Variants in EYS observed in about 807,000 individuals in gnomAD.
EYS encodes the protein protein eyes shut homolog.
Under a neutral mutation model 282.1 loss-of-function variants are expected in EYS, and 250 were observed. That is an observed-to-expected ratio of 0.89 (90% confidence interval 0.80 to 0.98). The LOEUF (loss-of-function observed/expected upper bound fraction) is 0.98, where lower values mean the gene tolerates loss of function less well. Ranked by LOEUF, EYS falls within the 50% of genes least tolerant of loss-of-function variation. EYS has a pLI of 0.00. For missense variants in EYS, 4,016 were observed against 3,709.0 expected, an observed-to-expected ratio of 1.08 and a Z score of -2.15; for synonymous variants, 1,355 against 1,282.9, an observed-to-expected ratio of 1.06 and a Z score of -1.20.
chr6:64,346,611 G>T (rs1771408630), intron 29 of EYS, among the ~76,000 whole-genome samples: 1 of 151,736 alleles, frequency 6.6e-6, no homozygotes, highest in Non-Finnish European at 1.5e-5. Flanking sequence ...TAAATGACTA[G>T]TTAATGGGTG....
chr6:64,414,152 A>C (rs1773992531), intron 28 of EYS, among the ~76,000 whole-genome samples: 1 of 152,178 alleles, frequency 6.6e-6, no homozygotes, highest in Admixed American at 6.6e-5. Flanking sequence ...ACTTTGTGAA[A>C]TTTCAGGAGA....
At chr6:64,373,825 T>A (rs926947143) in intron 29 of EYS, among the ~76,000 whole-genome samples, 1 of 152,068 alleles carries the variant, frequency 6.6e-6, no homozygotes, top group Non-Finnish European at 1.5e-5. Context: ...CACCTGGCTA[T>A]CGGTGGAGGT....
chr6:63,937,204 C>G (rs1482746662), intron 35 of EYS, among the ~76,000 whole-genome samples: 1 of 152,036 alleles, frequency 6.6e-6, no homozygotes, highest in African/African-American at 2.4e-5. Flanking sequence ...GGAAAACAGA[C>G]ACATAAAATC....
chr6:64,937,279 C>T (rs1317853465), intron 15 of EYS, among the ~76,000 whole-genome samples: 4 of 151,282 alleles, frequency 2.6e-5, no homozygotes, highest in African/African-American at 9.7e-5. Flanking sequence ...GCAAAAGTGG[C>T]AAAAGAAAAT....
At chr6:64,731,016 T>C (rs371441443) in intron 22 of EYS, 1 of 152,172 alleles carries the variant, frequency 6.6e-6, no homozygotes, top group Non-Finnish European at 1.5e-5. Flanking sequence ...AAATCATAGA[T>C]TTTATCAAAT....
At chr6:65,649,240 A>C (rs976461206) in intron 1 of EYS, among the ~76,000 whole-genome samples, 1 of 151,984 alleles carries the variant, frequency 6.6e-6, no homozygotes, top group Non-Finnish European at 1.5e-5. Context: ...TTATTCTAGC[A>C]AGAGTTTTGT....
At chr6:64,308,275 C>T (rs1769535587) in intron 29 of EYS, among the ~76,000 whole-genome samples, 1 of 151,996 alleles carries the variant, frequency 6.6e-6, no homozygotes, top group Non-Finnish European at 1.5e-5. Context: ...CAAAAAGATA[C>T]TAAGGGTCCA....
At chr6:63,913,244 C>T (rs1479594877) in intron 35 of EYS, among the ~76,000 whole-genome samples, 1 of 152,110 alleles carries the variant, frequency 6.6e-6, no homozygotes, top group African/African-American at 2.4e-5. Flanking sequence ...CTTTCCCCAT[C>T]CATAAGATTA....
At chr6:64,552,154 C>T (rs1469229951) in intron 26 of EYS, among the ~76,000 whole-genome samples, 5 of 152,118 alleles carry the variant, frequency 3.3e-5, no homozygotes, top group African/African-American at 1.2e-4. Context: ...CTCATTATAC[C>T]TCCCTCCTGT....
intron 29 of EYS, among the ~76,000 whole-genome samples, chr6:64,329,763 C>G (rs533978676): frequency 6.6e-6 from 1 of 152,042 alleles, no homozygotes; most frequent in Non-Finnish European, 1.5e-5. Flanking sequence ...GGTGTTAAAG[C>G]CCCCCGGAGA....
chr6:64,636,309 T>A (rs930252846), intron 22 of EYS, among the ~76,000 whole-genome samples: 2 of 152,182 alleles, frequency 1.3e-5, no homozygotes, highest in Non-Finnish European at 1.5e-5. Flanking sequence ...ATCTGATCTT[T>A]GACAAATCTG....
chr6:64,879,196 T>A (rs1200598812), intron 19 of EYS, among the ~76,000 whole-genome samples: 2 of 152,136 alleles, frequency 1.3e-5, no homozygotes, highest in Non-Finnish European at 2.9e-5. Context: ...TCTCCACCTA[T>A]CATTTCCTAT....
chr6:64,342,167 T>C (rs1771144310), intron 29 of EYS, among the ~76,000 whole-genome samples: 1 of 151,582 alleles, frequency 6.6e-6, no homozygotes, highest in Admixed American at 6.6e-5. Flanking sequence ...AGAAGTAAAA[T>C]AAATGATCCT....
At chr6:64,295,192 G>T (rs1028641612) in intron 30 of EYS, among the ~76,000 whole-genome samples, 3 of 150,564 alleles carry the variant, frequency 2.0e-5, no homozygotes, top group Admixed American at 2.0e-4. Flanking sequence ...GGCTAACATG[G>T]TGAAACCCCG....
At chr6:64,196,422 C>G (rs1765288562) in intron 31 of EYS, among the ~76,000 whole-genome samples, 1 of 152,188 alleles carries the variant, frequency 6.6e-6, no homozygotes, top group African/African-American at 2.4e-5. Flanking sequence ...ATAAATCATG[C>G]TGCTATAAAG....
chr6:64,757,599 A>T (rs1296827594), intron 22 of EYS, among the ~76,000 whole-genome samples: 5 of 151,952 alleles, frequency 3.3e-5, no homozygotes, highest in African/African-American at 1.2e-4. Flanking sequence ...GTTTTATCCC[A>T]CTCCCCTAAC....
chr6:65,621,483 C>A (rs1278133712), intron 2 of EYS, among the ~76,000 whole-genome samples: 7 of 150,152 alleles, frequency 4.7e-5, no homozygotes, highest in Non-Finnish European at 8.9e-5. Flanking sequence ...ATACAGCACA[C>A]TGATGGGTCT....
chr6:64,174,416 A>T (rs2150308614), intron 31 of EYS, among the ~76,000 whole-genome samples: 1 of 152,208 alleles, frequency 6.6e-6, no homozygotes, highest in African/African-American at 2.4e-5. Context: ...AATGTTACTT[A>T]TAATAGTAAT....
At chr6:63,796,088 A>G (rs1770637867) in intron 37 of EYS, among the ~76,000 whole-genome samples, 1 of 152,158 alleles carries the variant, frequency 6.6e-6, no homozygotes, top group Non-Finnish European at 1.5e-5. Context: ...TTTATTAAAG[A>G]TGTAATTCAA....
Sources: allele counts gnomAD v4.1 joint callset (sites outside exome capture counted in the v4.1 genomes callset), GRCh38; gene constraint gnomAD v4.1.1; transcripts MANE v1.5; gene names NCBI Gene and HGNC (gene_info 2026-07-23, HGNC 2026-07-21).